The following FSIP2 variants were observed in gnomAD, a reference collection of about 807,000 sequenced individuals.
FSIP2 encodes fibrous sheath-interacting protein 2.
FSIP2 carries 367 observed loss-of-function variants against 510.5 expected under a neutral mutation model. The ratio of observed to expected loss-of-function variants is 0.72; its 90% confidence interval spans 0.66 to 0.78. The LOEUF (loss-of-function observed/expected upper bound fraction) is 0.78, where lower values mean the gene tolerates loss of function less well. FSIP2 is among the 30% of genes least tolerant of loss of function. The pLI is 0.00. For missense variants in FSIP2, 7,594 were observed against 7,901.7 expected (o/e 0.96, Z 1.48); for synonymous variants, 2,601 against 2,732.2 (o/e 0.95, Z 1.50).
Position 185,745,429 on chromosome 2 carries a change from A to G in FSIP2, c.478A>G (p.Arg160Gly). Residue 160 changes from arginine (R) to glycine (G), a missense_variant and splice_region_variant, in exon 5 of 23, where the codon AGA (arginine) becomes GGA (glycine). By Grantham distance (125) the Arg-to-Gly change is moderately radical. Coordinates refer to ENST00000424728, the MANE Select transcript of FSIP2 (RefSeq NM_173651.4). ...DFERNYIKEQ[R>G]ILAKQLHNIP... ...TGTAATACACACATTTCTTAAATAG[A>G]GAATACTTGCAAAACAACTACATAA... 6.6e-7 allele frequency: 1 copy of G among 1,523,278 alleles called. No homozygotes were observed. Among genetic ancestry groups the G allele is most frequent in the Non-Finnish European group, 8.8e-7 (1 of 1,136,528 alleles). The allele number at this position is 1,523,278 out of a possible 1,614,324, so 94.4% of individuals were successfully genotyped here.
intron 16 of FSIP2, among the ~76,000 whole-genome samples, chr2:185,797,971 A>G (rs1470476649): frequency 1.3e-5 from 2 of 151,932 alleles, no homozygotes; most frequent in African/African-American, 4.8e-5. Flanking sequence ...GATTACTGGC[A>G]TGAGCCACTG....
Position 185,789,400 on chromosome 2 carries a change from C to T in FSIP2, c.2264C>T (p.Ala755Val). ...TCCAATGCTCATATTCCCTCAGTTG[C>T]TTCTGAGATTGTGGAAAATATGCTT... ...LLSNAHIPSV[A>V]SEIVENMLEK... The change falls in exon 16 of 23, where the codon GCT (alanine) becomes GTT (valine). Residue 755 changes from alanine to valine, a missense_variant. Transcript: ENST00000424728. 1 of 1,534,906 alleles carries T rather than the reference C, an allele frequency of 6.5e-7. No homozygotes were observed. Among genetic ancestry groups the T allele is most frequent in the Non-Finnish European group, 8.7e-7 (1 of 1,145,932 alleles).
chr2:185,807,869 C>A lies in FSIP2; in HGVS notation c.18563C>A (p.Ser6188Ter). The change falls in exon 17 of 23, where the codon TCA becomes TAA. Residue 6188 changes from serine (S) to a stop codon, truncating the protein, a stop_gained. Transcript: ENST00000424728. LOFTEE classifies it high-confidence loss of function. ...GAAGAAATTGCTGTGAAATTTTTAT[C>A]AAAGCTTTTATCTATATTTCCAAAA... ...IIEEIAVKFL[S>*]KLLSIFPKVH... The A allele has an allele frequency of 6.2e-7, 1 of 1,608,318 alleles. No homozygotes were observed. The highest frequency in any genetic ancestry group is 1.7e-5 in the Admixed American group (1 of 59,070).
rs778377941 is a variant in FSIP2 at position 185,806,275 on chromosome 2, A to G, written c.16969A>G (p.Arg5657Gly). Residue 5657 changes from arginine (R) to glycine (G), a missense_variant, in exon 17 of 23, where the codon AGA (arginine) becomes GGA (glycine). By Grantham distance (125) the Arg-to-Gly change is moderately radical. Transcript: ENST00000424728. ...IRIRTSSNEG[R>G]RDSPTQTCRD... is the part of the protein sequence containing the mutation. ...AATTCGAACATCAAGCAATGAGGGG[A>G]GAAGAGACTCTCCAACACAAACGTG... The G allele has an allele frequency of 1.9e-6, 3 of 1,609,814 alleles. No homozygotes were observed. The highest frequency in any genetic ancestry group is 1.7e-5 in the Admixed American group (1 of 59,488).
intron 17 of FSIP2, among the ~76,000 whole-genome samples, chr2:185,811,261 G>A (rs1444461336): frequency 6.6e-6 from 1 of 152,022 alleles, no homozygotes; most frequent in Non-Finnish European, 1.5e-5. Context: ...GAGGTCAGGA[G>A]TTTGAGACCA....
intron 14 of FSIP2, among the ~76,000 whole-genome samples, chr2:185,784,522 A>G (rs1574176658): frequency 6.6e-6 from 1 of 152,120 alleles, no homozygotes; most frequent in East Asian, 1.9e-4. Flanking sequence ...ATTTGGGATT[A>G]GAGAGAAGTA....
intron 13 of FSIP2, among the ~76,000 whole-genome samples, chr2:185,773,151 C>A (rs189473367): frequency 6.6e-6 from 1 of 152,296 alleles, no homozygotes; most frequent in East Asian, 1.9e-4. Context: ...CATGATCCAA[C>A]ACGCCAGGCC....
chr2:185,756,463 G>T (rs1295696039), intron 9 of FSIP2, among the ~76,000 whole-genome samples, 185 bp downstream of exon 9: 3 of 151,348 alleles, frequency 2.0e-5, no homozygotes, highest in African/African-American at 2.4e-5. Flanking sequence ...TTGATAACCA[G>T]ATAATTGATT....
At chr2:185,741,653 T>G (rs1308172796) in intron 2 of FSIP2, among the ~76,000 whole-genome samples, 11 of 152,234 alleles carry the variant, frequency 7.2e-5, no homozygotes, top group Non-Finnish European at 1.6e-4. Flanking sequence ...GACTCTCCCC[T>G]TTACGAGTTC....
chr2:185,774,820 G>A (rs1692684815), intron 13 of FSIP2, among the ~76,000 whole-genome samples: 1 of 88,812 alleles, frequency 1.1e-5, no homozygotes, highest in Non-Finnish European at 2.3e-5. Context: ...CTATGAGTGA[G>A]AATATGCAGT....
intron 13 of FSIP2, among the ~76,000 whole-genome samples, chr2:185,771,350 G>T (rs11684181): frequency 0.19 from 28,181 of 152,194 alleles, 2,949 homozygotes; most frequent in Non-Finnish European, 0.23. Flanking sequence ...GCAGGCTTCT[G>T]CCTGGACATC....
intron 19 of FSIP2, among the ~76,000 whole-genome samples, chr2:185,816,316 T>G (rs777660785): frequency 2.6e-5 from 4 of 151,936 alleles, no homozygotes; most frequent in Non-Finnish European, 5.9e-5. Context: ...ATAGGTTATT[T>G]TAACATACAT....
In FSIP2 at chr2:185,804,202, C is replaced by T. The variant is rs146610021; in HGVS notation, c.14896C>T (p.His4966Tyr). ...ATGCAAAATTCTTTATGCATTTTCA[C>T]ATAACATGTTGGTTACTGAAAATCC... The part of the protein sequence containing the change: ...LLCKILYAFS[H>Y]NMLVTENPDR... The change falls in exon 17 of 23, where the codon CAT becomes TAT. Residue 4966 changes from histidine (H) to tyrosine (Y), a missense_variant. His to Tyr is a moderately conservative substitution (Grantham distance 83). Transcript: ENST00000424728. The T allele has an allele frequency of 1.3e-4, 202 of 1,516,098 alleles. 3 individuals carry two copies. In the East Asian group the frequency reaches 2.1e-3, roughly 16 times the overall value. 93.9% of individuals were successfully genotyped at this position (1,516,098 alleles called of 1,614,324 possible).
At chr2:185,774,664 C>G (rs565634437) in intron 13 of FSIP2, among the ~76,000 whole-genome samples, 83 of 145,604 alleles carry the variant, frequency 5.7e-4, no homozygotes, top group Admixed American at 1.1e-3. Flanking sequence ...ATGTGCCATG[C>G]TGGTGTGCTG....
intron 7 of FSIP2, among the ~76,000 whole-genome samples, chr2:185,752,888 T>C (rs1249243180): frequency 6.6e-6 from 1 of 151,528 alleles, no homozygotes; most frequent in Non-Finnish European, 1.5e-5. Flanking sequence ...CTTTGTATAC[T>C]GAATATTTTT....
In FSIP2 at chr2:185,803,055, T is replaced by C; in HGVS notation, c.13749T>C (p.His4583=). 6.6e-7 allele frequency: 1 copy of C among 1,518,038 alleles called. No individual in the cohort carries two copies. Among genetic ancestry groups the C allele is most frequent in the South Asian group, 1.2e-5 (1 of 80,646 alleles). 94.0% of individuals were successfully genotyped at this position (1,518,038 alleles called of 1,614,324 possible). Residue 4583 remains histidine, a synonymous_variant, in exon 17 of 23, where the codon CAT becomes CAC. Transcript: ENST00000424728. ...IDRIAGFIIK[H]ICQKHLQPFV... ...GAATAGCAGGTTTCATCATTAAACA[T>C]ATCTGTCAAAAACATCTTCAGCCAT...
intron 10 of FSIP2, 80 bp from the exon 11 acceptor site, chr2:185,761,887 CATTGG>C: frequency 1.5e-6 from 1 of 683,642 alleles, no homozygotes; most frequent in East Asian, 2.8e-5. Context: ...CATCTGTATT[CATTGG>C]TTAATTGATA....
At chr2:185,746,128 C>T (rs990271082) in intron 5 of FSIP2, among the ~76,000 whole-genome samples, 6 of 151,916 alleles carry the variant, frequency 3.9e-5, no homozygotes, top group African/African-American at 1.5e-4. Context: ...CTTTTATTAC[C>T]TGACTTTTAT....
chr2:185,757,786 C>T (rs1489172102), intron 9 of FSIP2, among the ~76,000 whole-genome samples: 1 of 151,288 alleles, frequency 6.6e-6, no homozygotes, highest in African/African-American at 2.4e-5. Flanking sequence ...GATCTCAAGG[C>T]ATTTATTTTG....
Sources: allele counts gnomAD v4.1 joint callset (sites outside exome capture counted in the v4.1 genomes callset), GRCh38; gene constraint gnomAD v4.1.1; transcripts MANE v1.5; gene names NCBI Gene and HGNC (gene_info 2026-07-23, HGNC 2026-07-21).